Variants in ZBTB4 observed in about 807,000 individuals in gnomAD.
The protein encoded by ZBTB4 is zinc finger and BTB domain-containing protein 4.
ZBTB4 carries 14 observed loss-of-function variants against 59.8 expected under a neutral mutation model. That is an observed-to-expected ratio of 0.23 (90% CI 0.15 to 0.37). ZBTB4 has a LOEUF of 0.37. Ranked by LOEUF, ZBTB4 falls within the 10% of genes least tolerant of loss-of-function variation. The pLI is 1.00. For missense variants in ZBTB4, 1,198 were observed against 1,380.8 expected (o/e 0.87, Z 2.10); for synonymous variants, 587 against 575.2 (o/e 1.02, Z -0.29).
At chr17:7,479,828 A>C (rs2070321182), upstream of ZBTB4, among the ~76,000 whole-genome samples, 1 of 151,436 alleles carries the variant, frequency 6.6e-6, no homozygotes. Context: ...GGGCGGGTGG[A>C]CACCGAGCGG....
Position 7,463,312 on chromosome 17 carries a change from G to T in ZBTB4, c.1670C>A (p.Ala557Asp), listed in dbSNP as rs1294501083. Residue 557 changes from alanine (A) to aspartate (D), a missense_variant, in exon 4 of 4, where the codon GCC becomes GAC. Transcript: ENST00000380599. ...TCCAGCCCGTGGATTCCGGCCCTTG[G>T]CCTCCTCCGTGGTGGTGGCCATGGC... ...GPAMATTTEE[A>D]KGRNPRAGRT... The T allele has an allele frequency of 6.2e-7, 1 of 1,609,212 alleles. No homozygotes were observed. The highest frequency in any genetic ancestry group is 1.1e-5 in the South Asian group (1 of 90,052).
upstream of ZBTB4, chr17:7,482,571 C>A (rs745756962): frequency 6.2e-7 from 1 of 1,612,402 alleles, no homozygotes; most frequent in East Asian, 2.2e-5. Flanking sequence ...TATGGGCAGG[C>A]TTTCGTGGGA....
rs1017055623 is a variant in ZBTB4 at position 7,461,499 on chromosome 17, G to A, written c.*441C>T. 6.4e-6 allele frequency: 1 copy of A among 156,466 alleles called. No individual in the cohort carries two copies. The allele number at this position is 156,466 out of a possible 1,614,324, so 9.7% of individuals were successfully genotyped here. A position where few individuals can be genotyped will look rare whatever the true frequency, so the allele number is the denominator to read the frequency against. ...CCCTGGGCCACAAAGAATGGAATGTGCTAGGAAGCAACTGGGAAGGGCTTA... is the reference window on the plus strand; with the variant it reads ...CCCTGGGCCACAAAGAATGGAATGTACTAGGAAGCAACTGGGAAGGGCTTA... On this transcript the variant is annotated 3_prime_UTR_variant, in exon 4 of 4. Coordinates refer to ENST00000380599, the MANE Select transcript of ZBTB4 (RefSeq NM_001128833.2).
Position 7,461,965 on chromosome 17 carries a change from C to A in ZBTB4, c.3017G>T (p.Arg1006Ile). ...KGEGERAGVERTQKGDVG is the reference protein window; with the variant it reads ...KGEGERAGVEITQKGDVG ...TCACCCCACATCGCCCTTCTGGGTT[C>A]TCTCAACCCCTGCCCTTTCCCCTTC... The change falls in exon 4 of 4, where the codon AGA becomes ATA. Residue 1006 changes from arginine (R) to isoleucine (I), a missense_variant. By Grantham distance (97) the Arg-to-Ile change is moderately conservative (BLOSUM62 -3). Around this residue, in one of 9 missense-constraint regions of ZBTB4, gnomAD observed 211 missense variants for 236.1 expected, o/e 0.89. Coordinates refer to ENST00000380599, the MANE Select transcript of ZBTB4 (RefSeq NM_001128833.2). The A allele has an allele frequency of 1.3e-6, 2 of 1,568,044 alleles. No individual in the cohort carries two copies. Among genetic ancestry groups the A allele is most frequent in the Non-Finnish European group, 1.7e-6 (2 of 1,155,890 alleles).
chr17:7,471,595 C>A (rs190226403), intron 1 of ZBTB4, among the ~76,000 whole-genome samples: 1 of 152,256 alleles, frequency 6.6e-6, no homozygotes, highest in East Asian at 1.9e-4. Context: ...AGCGTTTGGA[C>A]GCAGCTTGAG....
At chr17:7,481,426 C>G, upstream of ZBTB4, 2 of 1,375,462 alleles carry the variant, frequency 1.5e-6, no homozygotes, top group Non-Finnish European at 1.9e-6. Flanking sequence ...AGGGAAGAAC[C>G]CCACCCCCAC....
upstream of ZBTB4, chr17:7,482,210 C>A: frequency 6.2e-7 from 1 of 1,614,004 alleles, no homozygotes; most frequent in Admixed American, 1.7e-5. Flanking sequence ...GCTCATCTGT[C>A]GATGCCTCTT....
rs1451457858 is a variant in ZBTB4 at position 7,463,546 on chromosome 17, G to C, written c.1436C>G (p.Pro479Arg). The C allele has an allele frequency of 6.3e-7, 1 of 1,587,156 alleles. No individual in the cohort carries two copies. Among genetic ancestry groups the C allele is most frequent in the Non-Finnish European group, 8.6e-7 (1 of 1,167,246 alleles). The change falls in exon 4 of 4, where the codon CCC (proline) becomes CGC (arginine). Residue 479 changes from proline (P) to arginine (R), a missense_variant. This residue lies in a region of ZBTB4 where 550 missense variants were observed against 541.8 expected (regional missense o/e 1.02). Transcript: ENST00000380599. ...PSVITFAHPAPSVIVHGGSSS... is the reference protein window; with the variant it reads ...PSVITFAHPARSVIVHGGSSS... ...ACTGCCCCCATGGACAATGACAGAG[G>C]GGGCTGGGTGGGCAAAAGTGATGAC...
chr17:7,478,365 G>A (rs2070298119), intron 1 of ZBTB4, among the ~76,000 whole-genome samples: 2 of 151,860 alleles, frequency 1.3e-5, no homozygotes, highest in African/African-American at 2.4e-5. Flanking sequence ...GGGGTTCCTC[G>A]CTCCTCTCAT....
upstream of ZBTB4, among the ~76,000 whole-genome samples, chr17:7,480,138 T>C (rs2070325841): frequency 6.6e-6 from 1 of 152,136 alleles, no homozygotes; most frequent in South Asian, 2.1e-4. Flanking sequence ...GCCCTGGCCC[T>C]GCATACGGGG....
intron 1 of ZBTB4, among the ~76,000 whole-genome samples, chr17:7,471,119 C>G (rs2070192122): frequency 6.6e-6 from 1 of 152,172 alleles, no homozygotes; most frequent in Non-Finnish European, 1.5e-5. Context: ...ACACCCAATG[C>G]TGGACTGGCC....
chr17:7,480,636 CG>C, upstream of ZBTB4, among the ~76,000 whole-genome samples: 1 of 152,118 alleles, frequency 6.6e-6, no homozygotes, highest in Admixed American at 6.6e-5. Flanking sequence ...AGGAGAATGG[CG>C]TGAACCTGGG....
At chr17:7,473,080 G>A (rs1346461326) in intron 1 of ZBTB4, among the ~76,000 whole-genome samples, 1 of 148,372 alleles carries the variant, frequency 6.7e-6, no homozygotes, top group African/African-American at 2.5e-5. Context: ...TCAACCTCAC[G>A]AGTCACTGGG....
At chr17:7,469,781 A>G (rs1419829536) in intron 1 of ZBTB4, among the ~76,000 whole-genome samples, 1 of 145,088 alleles carries the variant, frequency 6.9e-6, no homozygotes, top group Non-Finnish European at 1.5e-5. Flanking sequence ...AAAAAATAAA[A>G]ATAAAAATAA....
At chr17:7,480,942 T>C (rs979351885), upstream of ZBTB4, among the ~76,000 whole-genome samples, 9 of 151,756 alleles carry the variant, frequency 5.9e-5, no homozygotes, top group African/African-American at 2.2e-4. Flanking sequence ...GGTGGATCAC[T>C]TGAGGTAAGG....
intron 1 of ZBTB4, among the ~76,000 whole-genome samples, chr17:7,476,952 G>A (rs1168565979): frequency 6.6e-6 from 1 of 152,184 alleles, no homozygotes; most frequent in African/African-American, 2.4e-5. Flanking sequence ...GATTGCCCGG[G>A]TTCAAATACA....
intron 1 of ZBTB4, among the ~76,000 whole-genome samples, chr17:7,475,201 C>T (rs974283376): frequency 1.3e-5 from 2 of 148,432 alleles, no homozygotes; most frequent in Non-Finnish European, 3.0e-5. Flanking sequence ...ATTAGCTGGG[C>T]GTAGTGGCGG....
intron 1 of ZBTB4, among the ~76,000 whole-genome samples, chr17:7,478,488 C>T (rs2070299808): frequency 1.3e-5 from 2 of 152,264 alleles, no homozygotes; most frequent in South Asian, 4.1e-4. Context: ...AGCAGGGCCA[C>T]AGAAATGGGA....
Position 7,463,538 on chromosome 17 carries a change from T to C in ZBTB4, c.1444A>G (p.Ile482Val), listed in dbSNP as rs2070067135. 1.3e-6 allele frequency: 2 copies of C among 1,585,028 alleles called. No individual in the cohort carries two copies. The highest frequency in any genetic ancestry group is 1.3e-5 in the African/African-American group (1 of 74,262). ...ITFAHPAPSV[I>V]VHGGSSSGGG... is the part of the protein sequence containing the mutation. The stretch of plus-strand genomic sequence containing the variant: ...CCACTGCTACTGCCCCCATGGACAA[T>C]GACAGAGGGGGCTGGGTGGGCAAAA... The change falls in exon 4 of 4, where the codon ATT becomes GTT. Residue 482 changes from isoleucine to valine, a missense_variant. Coordinates refer to ENST00000380599, the MANE Select transcript of ZBTB4 (RefSeq NM_001128833.2).
Sources: gnomAD v4.1 joint callset for allele counts (sites outside exome capture counted in the v4.1 genomes callset) on GRCh38, gnomAD v4.1.1 for gene constraint, gnomAD v4.1.1 regional missense constraint, MANE v1.5 for transcripts, NCBI Gene and HGNC (gene_info 2026-07-23, HGNC 2026-07-21) for gene names.